Variants in FAM180A observed in about 807,000 individuals in gnomAD.
FAM180A encodes family with sequence similarity 180 member A.
FAM180A carries 14 observed loss-of-function variants against 15.3 expected under a neutral mutation model. The ratio of observed to expected loss-of-function variants is 0.92; its 90% CI spans 0.61 to 1.43. The LOEUF (loss-of-function observed/expected upper bound fraction) is 1.43. FAM180A is among the 40% of genes most tolerant of loss of function. FAM180A has a pLI of 0.00. For missense variants in FAM180A, 200 were observed against 220.8 expected (o/e 0.91, Z 0.60); for synonymous variants, 90 against 96.8 (o/e 0.93, Z 0.41).
intron 1 of FAM180A, among the ~76,000 whole-genome samples, chr7:135,739,870 T>A (rs1584752416): frequency 6.6e-6 from 1 of 152,280 alleles, no homozygotes; most frequent in East Asian, 1.9e-4. Context: ...CAGTTTTATA[T>A]TCTGTACCCG....
chr7:135,745,604 G>A (rs1158893886), intron 1 of FAM180A, among the ~76,000 whole-genome samples: 1 of 152,090 alleles, frequency 6.6e-6, no homozygotes, highest in Admixed American at 6.5e-5. Flanking sequence ...CCTGGATCCT[G>A]GCATGGAAAG....
At chr7:135,744,521 C>T (rs551557538) in intron 1 of FAM180A, among the ~76,000 whole-genome samples, 2 of 152,290 alleles carry the variant, frequency 1.3e-5, no homozygotes, top group South Asian at 2.1e-4. Flanking sequence ...CTATTCTGAG[C>T]GAGCCAGGGT....
rs779466787 is a variant in FAM180A, at chr7:135,748,703, C to T, written c.-123G>A. 457 of 796,070 alleles carry T rather than the reference C, an allele frequency of 5.7e-4. 1 individual carries two copies. Among genetic ancestry groups the T allele is most frequent in the Non-Finnish European group, 7.1e-4 (328 of 460,672 alleles). 49.3% of individuals were successfully genotyped at this position (796,070 alleles called of 1,614,324 possible). A position where few individuals can be genotyped will look rare whatever the true frequency, so the allele number is the denominator to read the frequency against. ...TGCTTCCCTCCCTTCCTTTTGCAGACGTGCAGAAATGCCTACTCTGCCTCA... is the reference window on the plus strand; with the variant it reads ...TGCTTCCCTCCCTTCCTTTTGCAGATGTGCAGAAATGCCTACTCTGCCTCA... On this transcript the variant is annotated 5_prime_UTR_variant, in exon 1 of 4. Coordinates refer to ENST00000338588, the MANE Select transcript of FAM180A (RefSeq NM_205855.4).
chr7:135,734,041 G>A lies in FAM180A; in HGVS notation c.456C>T (p.Leu152=), dbSNP rs151140777. The A allele has an allele frequency of 2.0e-5, 32 of 1,614,086 alleles. No homozygotes were observed. In the African/African-American group the frequency reaches 2.5e-4, roughly 13 times the overall value. Residue 152 remains leucine (L), a synonymous_variant, in exon 3 of 4, where the codon CTC becomes CTT. Transcript: ENST00000338588. ...GHQKDIWAQS[L]VSLFQALRHD... ...GCCTCAGGGCCTGGAAGAGGCTAAC[G>A]AGGGACTGCGCCCAGATGTCCTTCT...
chr7:135,745,953 G>T (rs952200683), intron 1 of FAM180A, among the ~76,000 whole-genome samples: 1 of 151,392 alleles, frequency 6.6e-6, no homozygotes, highest in African/African-American at 2.4e-5. Flanking sequence ...CTCCTATTCA[G>T]TCTTGAAAAA....
chr7:135,745,077 C>T (rs776921705), intron 1 of FAM180A, among the ~76,000 whole-genome samples: 32 of 145,902 alleles, frequency 2.2e-4, no homozygotes, highest in Non-Finnish European at 3.8e-4. Context: ...CAGGCATGTG[C>T]TGCTACACCC....
Position 135,734,204 on chromosome 7 carries a change from GGGATGACGTTGTTGCAGACGGTGC to G in FAM180A, c.269_292del (p.Arg90_Ile97del). On this transcript the variant is annotated inframe_deletion, in exon 3 of 4. Coordinates refer to ENST00000338588, the MANE Select transcript of FAM180A (RefSeq NM_205855.4). ...CCGGCGGATGTCTGGGATGCTCTTG[GGGATGACGTTGTTGCAGACGGTGC>G]GGAAGTCTGAGGCCTTCCGCAAGGA... The G allele has an allele frequency of 2.5e-6, 4 of 1,614,216 alleles. No individual in the cohort carries two copies. The highest frequency in any genetic ancestry group is 3.4e-6 in the Non-Finnish European group (4 of 1,180,046).
chr7:135,740,501 A>G (rs896547805), intron 1 of FAM180A, among the ~76,000 whole-genome samples: 1 of 152,304 alleles, frequency 6.6e-6, no homozygotes, highest in African/African-American at 2.4e-5. Flanking sequence ...ACCACACTCC[A>G]GGCCAATTTG....
At chr7:135,740,497 C>G (rs915988596) in intron 1 of FAM180A, among the ~76,000 whole-genome samples, 3 of 152,178 alleles carry the variant, frequency 2.0e-5, no homozygotes, top group African/African-American at 7.2e-5. Context: ...CAAGACCACA[C>G]TCCAGGCCAA....
intron 3 of FAM180A, among the ~76,000 whole-genome samples, chr7:135,731,998 A>G (rs1285355568): frequency 6.6e-6 from 1 of 152,204 alleles, no homozygotes; most frequent in South Asian, 2.1e-4. Flanking sequence ...AGACAGAAAG[A>G]TCTCTGAGCT....
rs1307496993 is a variant in FAM180A, at chr7:135,733,835, C to G, written c.*140G>C. 1 of 1,402,102 alleles carries G rather than the reference C, an allele frequency of 7.1e-7. No individual in the cohort carries two copies. Among genetic ancestry groups the G allele is most frequent in the Admixed American group, 3.1e-5 (1 of 31,810 alleles). 86.9% of individuals were successfully genotyped at this position (1,402,102 alleles called of 1,614,324 possible). On this transcript the variant is annotated 3_prime_UTR_variant, in exon 3 of 4. Coordinates refer to ENST00000338588, the MANE Select transcript of FAM180A (RefSeq NM_205855.4). ...GGAAACTACAAGGAGAAAAGAGCAT[C>G]GGGGTTACTGTTTGATCTCTGCTGC... is the stretch of plus-strand genomic sequence containing the variant.
In FAM180A at chr7:135,748,374, CA is replaced by C. The variant is rs111329334; in HGVS notation, c.76+130del. Reference sequence around the variant, plus strand: ...TAAGAAGGGGGAACACGTCAAGAAGCATCAAGGAATTGACAGAGATTAGACA... The same window carrying C: ...TAAGAAGGGGGAACACGTCAAGAAGCTCAAGGAATTGACAGAGATTAGACA... On this transcript the variant is annotated intron_variant, in intron 1 of 3. Transcript: ENST00000338588. The C allele has an allele frequency of 3.0e-4, 216 of 718,514 alleles. 1 individual carries two copies. Among genetic ancestry groups the C allele is most frequent in the African/African-American group, 2.5e-3 (144 of 56,838 alleles). 44.5% of individuals were successfully genotyped at this position (718,514 alleles called of 1,614,324 possible). A position where few individuals can be genotyped will look rare whatever the true frequency, so the allele number is the denominator to read the frequency against.
rs184415563 is a variant in FAM180A at position 135,741,275 on chromosome 7, A to G, written c.77-4076T>C. On this transcript the variant is annotated intron_variant, in intron 1 of 3. Coordinates refer to ENST00000338588, the MANE Select transcript of FAM180A (RefSeq NM_205855.4). ...AGCTCTTGGTCTCCTACTGAATAGT[A>G]ATATAGTTTGATGGAGACTTAGAAA... Among the ~76,000 whole-genome samples the G allele has an allele frequency of 2.7e-3, 409 of 152,374 alleles. 3 individuals are homozygous for G. Among genetic ancestry groups the G allele is most frequent in the African/African-American group, 9.6e-3 (398 of 41,598 alleles).
In FAM180A at chr7:135,734,331, T is replaced by C; in HGVS notation, c.178-12A>G. 6.4e-7 allele frequency: 1 copy of C among 1,571,734 alleles called. No individual in the cohort carries two copies. Among genetic ancestry groups the C allele is most frequent in the Non-Finnish European group, 8.6e-7 (1 of 1,157,184 alleles). On this transcript the variant is annotated splice_polypyrimidine_tract_variant and intron_variant, in intron 2 of 3. Coordinates refer to ENST00000338588, the MANE Select transcript of FAM180A (RefSeq NM_205855.4). ...TCGGCCAGCAGGAACTGGTGAGAAA[T>C]GTGGATGTGCAAAAATATGAAGTGA...
chr7:135,738,906 C>T (rs1466676690), intron 1 of FAM180A, among the ~76,000 whole-genome samples: 1 of 152,166 alleles, frequency 6.6e-6, no homozygotes, highest in African/African-American at 2.4e-5. Flanking sequence ...GTTGGCACCC[C>T]CTGAAGTTGT....
chr7:135,746,018 G>GAA (rs139266690), intron 1 of FAM180A, among the ~76,000 whole-genome samples: 1 of 150,968 alleles, frequency 6.6e-6, no homozygotes, highest in South Asian at 2.1e-4. Context: ...TGTTAAAAAT[G>GAA]AAAAAAAAAT....
In FAM180A at chr7:135,738,254, C is replaced by T. The variant is rs181295290; in HGVS notation, c.77-1055G>A. ...TTGCCCAGGCTGGAGTGCAGTGGCACGATCTTGGCTCACTGCAACCTCTGC... is the reference window on the plus strand; with the variant it reads ...TTGCCCAGGCTGGAGTGCAGTGGCATGATCTTGGCTCACTGCAACCTCTGC... On this transcript the variant is annotated intron_variant, in intron 1 of 3. Coordinates refer to ENST00000338588, the MANE Select transcript of FAM180A (RefSeq NM_205855.4). 5.3e-5 allele frequency among the ~76,000 whole-genome samples: 8 copies of T among 152,336 alleles called. No homozygotes were observed. In the East Asian group the frequency reaches 5.8e-4, roughly 11 times the overall value.
At chr7:135,739,027 A>AGGC in intron 1 of FAM180A, among the ~76,000 whole-genome samples, 1 of 152,130 alleles carries the variant, frequency 6.6e-6, no homozygotes, top group African/African-American at 2.4e-5. Context: ...TAAAGAAGGC[A>AGGC]GGCTGGGCGC....
At position 135,733,840 on chromosome 7, in the gene FAM180A, T is replaced by G; in HGVS notation, c.*135A>C. 7.1e-7 allele frequency: 1 copy of G among 1,405,282 alleles called. No homozygotes were observed. Among genetic ancestry groups the G allele is most frequent in the African/African-American group, 1.4e-5 (1 of 69,020 alleles). The allele number at this position is 1,405,282 out of a possible 1,614,324, so 87.1% of individuals were successfully genotyped here. A position where few individuals can be genotyped will look rare whatever the true frequency, so the allele number is the denominator to read the frequency against. ...CTACAAGGAGAAAAGAGCATCGGGG[T>G]TACTGTTTGATCTCTGCTGCTCTGT... On this transcript the variant is annotated 3_prime_UTR_variant, in exon 3 of 4. Coordinates refer to ENST00000338588, the MANE Select transcript of FAM180A (RefSeq NM_205855.4).
Sources: gnomAD v4.1 joint callset for allele counts (sites outside exome capture counted in the v4.1 genomes callset) on GRCh38, gnomAD v4.1.1 for gene constraint, MANE v1.5 for transcripts, NCBI Gene and HGNC (gene_info 2026-07-23, HGNC 2026-07-21) for gene names.